The following FAM13C variants were observed in gnomAD, a reference collection of about 807,000 sequenced individuals.
The protein encoded by FAM13C is protein FAM13C.
Under a neutral mutation model 73.2 loss-of-function variants are expected in FAM13C, and 37 were observed. The ratio of observed to expected loss-of-function variants is 0.51; its 90% CI spans 0.39 to 0.67. The LOEUF (loss-of-function observed/expected upper bound fraction) is 0.67. Among genes scored for constraint, FAM13C ranks in the 30% least tolerant of loss-of-function variants. FAM13C has a pLI of 0.00. For missense variants in FAM13C, 589 were observed against 715.6 expected, an observed-to-expected ratio of 0.82 and a Z score of 2.02; for synonymous variants, 246 against 260.9, an observed-to-expected ratio of 0.94 and a Z score of 0.55.
In FAM13C at chr10:59,352,176, G is replaced by A. The variant is rs1453053712; in HGVS notation, c.324+94C>T. On this transcript the variant is annotated intron_variant, in intron 3 of 13. Coordinates refer to ENST00000618804, the MANE Select transcript of FAM13C (RefSeq NM_198215.4). Reference sequence around the variant, plus strand: ...TGACAAGTCGTGCCAATCCCCTCCCGCAAAACAGTGCGCTCAAATCGTCTG... The same window carrying A: ...TGACAAGTCGTGCCAATCCCCTCCCACAAAACAGTGCGCTCAAATCGTCTG... The A allele has an allele frequency of 4.2e-6, 6 of 1,424,412 alleles. No homozygotes were observed. The East Asian group carries it at 9.2e-5, about 22-fold the overall frequency. The allele number at this position is 1,424,412 out of a possible 1,614,324, so 88.2% of individuals were successfully genotyped here. A position where few individuals can be genotyped will look rare whatever the true frequency, so the allele number is the denominator to read the frequency against.
chr10:59,259,565 A>C (rs771458785), intron 10 of FAM13C, among the ~76,000 whole-genome samples: 11 of 152,132 alleles, frequency 7.2e-5, no homozygotes, highest in Non-Finnish European at 1.3e-4. Context: ...TTACTATATT[A>C]AGCTTTCTCA....
intron 3 of FAM13C, among the ~76,000 whole-genome samples, chr10:59,337,699 G>A (rs1852922717): frequency 2.0e-5 from 1 of 49,984 alleles, no homozygotes; most frequent in Non-Finnish European, 3.8e-5. Context: ...TTTTTTTTGA[G>A]ATAGAGTTTC....
intron 4 of FAM13C, among the ~76,000 whole-genome samples, chr10:59,313,497 G>A (rs10826276): frequency 0.9 from 137,580 of 152,182 alleles, 62,512 homozygotes; most frequent in East Asian, 0.96. Context: ...GCCAACTAGG[G>A]CCACTTTGTC....
rs1840731462 is a variant in FAM13C, at chr10:59,246,592, C to A, written c.*1022G>T. 5 of 397,294 alleles carry A rather than the reference C, an allele frequency of 1.3e-5. No homozygotes were observed. Among genetic ancestry groups the A allele is most frequent in the Non-Finnish European group, 2.2e-5 (5 of 224,994 alleles). 24.6% of individuals were successfully genotyped at this position (397,294 alleles called of 1,614,324 possible). ...AAACATGTTTTCGTATAAAATAACA[C>A]AAAATGATATACACTGAAGTTGATG... On this transcript the variant is annotated 3_prime_UTR_variant, in exon 14 of 14. Transcript: ENST00000618804.
intron 1 of FAM13C, among the ~76,000 whole-genome samples, chr10:59,356,267 T>C (rs1855701695): frequency 6.6e-6 from 1 of 152,180 alleles, no homozygotes; most frequent in Non-Finnish European, 1.5e-5. Context: ...TCAAGACCAA[T>C]ACTGGTTGGC....
At chr10:59,316,856 T>A (rs999823251) in intron 4 of FAM13C, among the ~76,000 whole-genome samples, 1 of 152,206 alleles carries the variant, frequency 6.6e-6, no homozygotes, top group South Asian at 2.1e-4. Context: ...GAAAAGAGAA[T>A]ATTAAGCAGG....
At chr10:59,260,133 C>T (rs1043840491) in intron 10 of FAM13C, among the ~76,000 whole-genome samples, 2 of 151,980 alleles carry the variant, frequency 1.3e-5, no homozygotes, top group Non-Finnish European at 2.9e-5. Flanking sequence ...ATTCTACCTT[C>T]AAAATATACT....
At chr10:59,316,571 T>A (rs192065019) in intron 4 of FAM13C, among the ~76,000 whole-genome samples, 185 of 152,270 alleles carry the variant, frequency 1.2e-3, no homozygotes, top group African/African-American at 4.3e-3. Flanking sequence ...TACAGAAACC[T>A]AGATGGTATA....
chr10:59,356,071 C>A, intron 1 of FAM13C, 128 bp from the exon 2 acceptor site: 1 of 845,976 alleles, frequency 1.2e-6, no homozygotes, highest in East Asian at 2.5e-5. Flanking sequence ...TCATTCTCTC[C>A]CAAATAAGTT....
chr10:59,263,342 T>A (rs2047350525), intron 9 of FAM13C, among the ~76,000 whole-genome samples: 1 of 152,206 alleles, frequency 6.6e-6, no homozygotes, highest in Non-Finnish European at 1.5e-5. Flanking sequence ...CTTTGTTTGA[T>A]GTTTGTTTCC....
At chr10:59,326,032 G>GTACT (rs144543775) in intron 3 of FAM13C, among the ~76,000 whole-genome samples, 190 of 152,124 alleles carry the variant, frequency 1.2e-3, no homozygotes, top group African/African-American at 4.3e-3. Flanking sequence ...TTAGGAAAGA[G>GTACT]TACTGTTTGA....
intron 4 of FAM13C, among the ~76,000 whole-genome samples, chr10:59,317,894 CT>C (rs1226329891): frequency 6.6e-6 from 1 of 151,936 alleles, no homozygotes; most frequent in African/African-American, 2.4e-5. Flanking sequence ...TCCCTCCCCC[CT>C]TCCCCCACCC....
chr10:59,248,051 A>G (rs1840894508), intron 13 of FAM13C, among the ~76,000 whole-genome samples: 1 of 152,184 alleles, frequency 6.6e-6, no homozygotes, highest in Non-Finnish European at 1.5e-5. Context: ...AGAACTTTCA[A>G]GGCATTCTTT....
intron 5 of FAM13C, chr10:59,301,162 T>G (rs1464955285): frequency 2.0e-5 from 3 of 152,308 alleles, no homozygotes; most frequent in South Asian, 4.1e-4. Flanking sequence ...CCTTCAAGTT[T>G]CCCCAAGGTC....
chr10:59,357,701 C>T (rs776904997), intron 1 of FAM13C, among the ~76,000 whole-genome samples: 2 of 152,176 alleles, frequency 1.3e-5, no homozygotes, highest in African/African-American at 4.8e-5. Context: ...GATACTTACT[C>T]CCTATTTCTG....
At chr10:59,321,431 CCTTTTTTTT>C (rs1242697964) in intron 4 of FAM13C, among the ~76,000 whole-genome samples, 18 of 109,848 alleles carry the variant, frequency 1.6e-4, no homozygotes, top group African/African-American at 3.8e-4. Flanking sequence ...CCTGCCAACA[CCTTTTTTTT>C]TTTTTTTTTT....
intron 3 of FAM13C, among the ~76,000 whole-genome samples, chr10:59,349,514 T>C (rs1854744529): frequency 6.6e-6 from 1 of 152,148 alleles, no homozygotes; most frequent in Admixed American, 6.5e-5. Flanking sequence ...CTCATGCCTA[T>C]ATTCCCAGCA....
intron 3 of FAM13C, among the ~76,000 whole-genome samples, chr10:59,345,566 G>A (rs572448703): frequency 3.9e-4 from 60 of 152,084 alleles, no homozygotes; most frequent in African/African-American, 1.4e-3. Context: ...ATTTTTCATC[G>A]GCTTAATCAT....
At chr10:59,293,069 CTTTTTTTTTT>C (rs148715812) in intron 5 of FAM13C, among the ~76,000 whole-genome samples, 37,527 of 110,060 alleles carry the variant, frequency 0.34, 5,668 homozygotes, top group Middle Eastern at 0.47. Context: ...TTTTCTTTTT[CTTTTTTTTTT>C]TTTTTTTTTT....
Sources: allele counts gnomAD v4.1 joint callset (sites outside exome capture counted in the v4.1 genomes callset), GRCh38; gene constraint gnomAD v4.1.1; transcripts MANE v1.5; gene names NCBI Gene and HGNC (gene_info 2026-07-23, HGNC 2026-07-21).